CCDC39: variants seen among roughly 807,000 people sequenced by gnomAD.
The protein encoded by CCDC39 is coiled-coil domain 39 molecular ruler complex subunit, also known as coiled-coil domain-containing protein 39.
CCDC39 carries 113 observed loss-of-function variants against 121.0 expected under a neutral mutation model. The ratio of observed to expected loss-of-function variants is 0.93; its 90% confidence interval spans 0.80 to 1.09. The LOEUF (loss-of-function observed/expected upper bound fraction) is 1.09, where lower values mean the gene tolerates loss of function less well. Ranked by LOEUF, CCDC39 falls within the 50% of genes least tolerant of loss-of-function variation. The pLI, the probability that CCDC39 is intolerant of heterozygous loss-of-function variation, is 0.00. For missense variants in CCDC39, 1,063 were observed against 1,074.7 expected (o/e 0.99, Z 0.15); for synonymous variants, 349 against 352.2 (o/e 0.99, Z 0.10).
chr3:180,644,996 C>A (rs975522406), intron 11 of CCDC39, among the ~76,000 whole-genome samples: 2 of 152,120 alleles, frequency 1.3e-5, no homozygotes, highest in Non-Finnish European at 2.9e-5. Context: ...AGGATATCAA[C>A]AATCTGAGAA....
intron 14 of CCDC39, among the ~76,000 whole-genome samples, chr3:180,629,042 G>A (rs1576936064): frequency 6.6e-6 from 1 of 152,212 alleles, no homozygotes; most frequent in Non-Finnish European, 1.5e-5. Flanking sequence ...ACTTCTAATT[G>A]GCAAGGTTTG....
At position 180,658,080 on chromosome 3, in the gene CCDC39, A is replaced by C. The variant is rs74700705; in HGVS notation, c.738+1372T>G. Among the ~76,000 whole-genome samples the C allele has an allele frequency of 5.3e-5, 8 of 151,570 alleles. No individual in the cohort carries two copies. In the South Asian group the frequency reaches 1.2e-3, roughly 24 times the overall value. On this transcript the variant is annotated intron_variant, in intron 6 of 19. Transcript: ENST00000476379. ...GAAACCCTGTCTCTACTAAAAAAAA[A>C]CTACAAAAATTAGCTGGGCGTGGTG...
At chr3:180,669,625 C>G (rs1379706807) in intron 1 of CCDC39, among the ~76,000 whole-genome samples, 1 of 152,076 alleles carries the variant, frequency 6.6e-6, no homozygotes, top group African/African-American at 2.4e-5. Flanking sequence ...TTTTACACTT[C>G]CACTGATTAG....
At chr3:180,656,707 C>T (rs762163015) in intron 6 of CCDC39, among the ~76,000 whole-genome samples, 1 of 148,876 alleles carries the variant, frequency 6.7e-6, no homozygotes, top group African/African-American at 2.5e-5. Context: ...AAAAAGTTTG[C>T]AGTAAAGAAA....
intron 16 of CCDC39, chr3:180,617,501 A>G (rs1379597793): frequency 1.5e-6 from 1 of 673,394 alleles, no homozygotes; most frequent in Admixed American, 2.1e-5. Flanking sequence ...CTGACCCTGA[A>G]GACCTTCAAG....
intron 1 of CCDC39, among the ~76,000 whole-genome samples, chr3:180,671,274 G>A (rs1207506696): frequency 6.6e-6 from 1 of 150,392 alleles, no homozygotes; most frequent in Non-Finnish European, 1.5e-5. Context: ...TCACCTGGAA[G>A]TTACCACCCT....
Position 180,631,575 on chromosome 3 carries a change from C to T in CCDC39, c.1892G>A (p.Arg631Gln), listed in dbSNP as rs763482113. ...RENISTEFRE[R>Q]LSKIEKLKNR... is the part of the protein sequence containing the mutation. ...CTTCAGCTTCTCAATTTTACTTAGC[C>T]GCTCGCGAAACTCAGTGCTAATAAG... The change falls in exon 14 of 20, where the codon CGG (arginine) becomes CAG (glutamine). Residue 631 changes from arginine (R) to glutamine (Q), a missense_variant. By Grantham distance (43) the Arg-to-Gln change is conservative. Transcript: ENST00000476379. 5.0e-6 allele frequency: 8 copies of T among 1,607,382 alleles called. No homozygotes were observed. Among genetic ancestry groups the T allele is most frequent in the South Asian group, 4.4e-5 (4 of 90,432 alleles).
intron 14 of CCDC39, among the ~76,000 whole-genome samples, chr3:180,628,062 A>G (rs937854854): frequency 2.6e-5 from 4 of 152,208 alleles, no homozygotes; most frequent in Non-Finnish European, 5.9e-5. Context: ...AGGGTGATGC[A>G]TTTACAAACT....
intron 14 of CCDC39, among the ~76,000 whole-genome samples, chr3:180,626,713 G>A (rs926288092): frequency 1.3e-5 from 2 of 152,128 alleles, no homozygotes; most frequent in African/African-American, 4.8e-5. Flanking sequence ...TTCCTCTCAG[G>A]TGAGGTGCTC....
chr3:180,666,767 T>C (rs528055653), intron 1 of CCDC39, among the ~76,000 whole-genome samples: 1 of 152,236 alleles, frequency 6.6e-6, no homozygotes, highest in South Asian at 2.1e-4. Context: ...CAGATATTTA[T>C]TGAAAACTTA....
chr3:180,660,807 A>G, intron 3 of CCDC39, 79 bp from the exon 4 acceptor site: 1 of 1,320,328 alleles, frequency 7.6e-7, no homozygotes, highest in Non-Finnish European at 1.0e-6. Flanking sequence ...ACATACCTTT[A>G]TATACTATGG....
intron 1 of CCDC39, among the ~76,000 whole-genome samples, chr3:180,667,415 T>C (rs902432332): frequency 3.9e-5 from 6 of 152,194 alleles, no homozygotes; most frequent in Non-Finnish European, 8.8e-5. Flanking sequence ...ATTAGCATCA[T>C]TTTTCCAATA....
chr3:180,659,794 C>T (rs769276625), intron 4 of CCDC39, 25 bp from the exon 5 acceptor site: 175 of 1,423,474 alleles, frequency 1.2e-4, no homozygotes, highest in South Asian at 1.0e-3. Flanking sequence ...TATACAGATA[C>T]TTATAATTCT....
intron 9 of CCDC39, among the ~76,000 whole-genome samples, chr3:180,649,006 A>G: frequency 6.6e-6 from 1 of 152,192 alleles, no homozygotes; most frequent in East Asian, 1.9e-4. Context: ...ATAATAAAAT[A>G]TTTGGAAGTA....
intron 1 of CCDC39, among the ~76,000 whole-genome samples, chr3:180,669,544 A>C (rs1275065062): frequency 2.0e-5 from 3 of 152,152 alleles, no homozygotes; most frequent in Non-Finnish European, 4.4e-5. Flanking sequence ...GAGCATTTCT[A>C]TAACCCCAGA....
At chr3:180,668,753 A>G (rs16831837) in intron 1 of CCDC39, among the ~76,000 whole-genome samples, 5,753 of 152,310 alleles carry the variant, frequency 0.038, 375 homozygotes, top group African/African-American at 0.13. Context: ...TAAGCTTAAT[A>G]GCAAGAAGCA....
At chr3:180,652,951 G>A (rs887683794) in intron 7 of CCDC39, among the ~76,000 whole-genome samples, 1 of 152,088 alleles carries the variant, frequency 6.6e-6, no homozygotes, top group African/African-American at 2.4e-5. Context: ...TTTAACCAAG[G>A]AAGAAAAAGA....
chr3:180,626,251 T>G (rs1181386487), intron 14 of CCDC39, among the ~76,000 whole-genome samples: 1 of 152,132 alleles, frequency 6.6e-6, no homozygotes, highest in Non-Finnish European at 1.5e-5. Flanking sequence ...CCAACAGTGA[T>G]GCACTGGGTT....
rs1478160179 is a variant in CCDC39, at chr3:180,619,212, T to C, written c.2265+47A>G. On this transcript the variant is annotated intron_variant, in intron 16 of 19. Transcript: ENST00000476379. Reference sequence around the variant, plus strand: ...AGAATAGAAGTAGCAGTAATGATAGTTGACTTTTATTGAAGGCATATTACT... The same window carrying C: ...AGAATAGAAGTAGCAGTAATGATAGCTGACTTTTATTGAAGGCATATTACT... 7.1e-6 allele frequency: 6 copies of C among 849,568 alleles called. 1 individual carries two copies. The East Asian group carries it at 1.1e-4, about 15-fold the overall frequency. 52.6% of individuals were successfully genotyped at this position (849,568 alleles called of 1,614,324 possible). A position where few individuals can be genotyped will look rare whatever the true frequency, so the allele number is the denominator to read the frequency against.
Sources: allele counts gnomAD v4.1 joint callset (sites outside exome capture counted in the v4.1 genomes callset), GRCh38; gene constraint gnomAD v4.1.1; transcripts MANE v1.5; gene names NCBI Gene and HGNC (gene_info 2026-07-23, HGNC 2026-07-21).